Variants in ADGRG7 observed in about 807,000 individuals in gnomAD.
ADGRG7 encodes the protein G-protein coupled receptor 128.
A neutral mutation model predicts 88.6 loss-of-function variants in ADGRG7; 82 were observed. That is an observed-to-expected ratio of 0.93 (90% CI 0.77 to 1.11). The LOEUF (loss-of-function observed/expected upper bound fraction) is 1.11, where lower values mean the gene tolerates loss of function less well. Ranked by LOEUF, ADGRG7 falls within the 50% of genes most tolerant of loss-of-function variation. ADGRG7 has a pLI of 0.00. For missense variants in ADGRG7, 945 were observed against 953.4 expected, an observed-to-expected ratio of 0.99 and a Z score of 0.12; for synonymous variants, 381 against 345.2, an observed-to-expected ratio of 1.10 and a Z score of -1.15.
intron 5 of ADGRG7, among the ~76,000 whole-genome samples, chr3:100,636,562 C>T (rs1192309013): frequency 6.6e-6 from 1 of 152,062 alleles, no homozygotes; most frequent in Non-Finnish European, 1.5e-5. Context: ...CCAATATGGA[C>T]TCACCTTGTG....
chr3:100,638,500 G>T (rs1365216605), intron 6 of ADGRG7, among the ~76,000 whole-genome samples: 1 of 152,180 alleles, frequency 6.6e-6, no homozygotes, highest in African/African-American at 2.4e-5. Context: ...CAGGATGGGG[G>T]AGTAGGGCAG....
chr3:100,671,129 G>A (rs1373710299), intron 15 of ADGRG7, among the ~76,000 whole-genome samples: 1 of 152,180 alleles, frequency 6.6e-6, no homozygotes, highest in Non-Finnish European at 1.5e-5. Flanking sequence ...TCGCCACACT[G>A]TCTTCCACAA....
At chr3:100,669,532 T>C (rs1439701821) in intron 15 of ADGRG7, among the ~76,000 whole-genome samples, 1 of 26,002 alleles carries the variant, frequency 3.8e-5, no homozygotes, top group Non-Finnish European at 6.5e-5. Context: ...AGACTCCATC[T>C]CAAAAAAAAA....
chr3:100,668,870 C>T, intron 14 of ADGRG7, 79 bp from the exon 15 acceptor site: 1 of 1,056,726 alleles, frequency 9.5e-7, no homozygotes, highest in South Asian at 1.9e-5. Flanking sequence ...AATATACATT[C>T]TAAATAGGAG....
chr3:100,625,443 G>T (rs879596893), intron 1 of ADGRG7, among the ~76,000 whole-genome samples: 14 of 152,242 alleles, frequency 9.2e-5, no homozygotes, highest in African/African-American at 2.9e-4. Flanking sequence ...GGGCTGAGAC[G>T]ATGGGGTTTT....
At chr3:100,692,627 CTT>C (rs2094995852) in intron 15 of ADGRG7, among the ~76,000 whole-genome samples, 2 of 152,126 alleles carry the variant, frequency 1.3e-5, no homozygotes, top group Admixed American at 6.5e-5. Context: ...AGTCAGGAAA[CTT>C]AGGCTGTTAT....
chr3:100,654,996 C>T lies in ADGRG7; in HGVS notation c.1541C>T (p.Pro514Leu). The T allele has an allele frequency of 1.2e-6, 2 of 1,613,942 alleles. No individual in the cohort carries two copies. The highest frequency in any genetic ancestry group is 1.7e-6 in the Non-Finnish European group (2 of 1,179,954). Residue 514 changes from proline to leucine, a missense_variant, in exon 12 of 16, where the codon CCC becomes CTC. Physicochemically the swap from Pro to Leu is moderately conservative, Grantham distance 98. Coordinates refer to ENST00000273352, the MANE Select transcript of ADGRG7 (RefSeq NM_032787.3). ...NNIDFDNNDI[P>L]RTDTINIPNP... Reference sequence around the variant, plus strand: ...ATTGACTTTGACAATAATGACATACCCAGGACAGACACCATTAACATCCCG... The same window carrying T: ...ATTGACTTTGACAATAATGACATACTCAGGACAGACACCATTAACATCCCG...
intron 15 of ADGRG7, among the ~76,000 whole-genome samples, chr3:100,686,132 T>C (rs2149042111): frequency 6.6e-6 from 1 of 151,972 alleles, no homozygotes; most frequent in African/African-American, 2.4e-5. Flanking sequence ...CCAGTGATGA[T>C]GAGCATTTTT....
At chr3:100,641,709 A>G (rs1707644705) in intron 6 of ADGRG7, among the ~76,000 whole-genome samples, 1 of 152,254 alleles carries the variant, frequency 6.6e-6, no homozygotes, top group Non-Finnish European at 1.5e-5. Context: ...ACCCTGGAGC[A>G]GGAAGATGAC....
chr3:100,620,891 G>A (rs1220167114), intron 1 of ADGRG7, among the ~76,000 whole-genome samples: 1 of 151,532 alleles, frequency 6.6e-6, no homozygotes, highest in Non-Finnish European at 1.5e-5. Flanking sequence ...AGGTCTGTTG[G>A]TCCCATTTTT....
intron 15 of ADGRG7, among the ~76,000 whole-genome samples, chr3:100,682,218 C>A (rs1306980311): frequency 1.3e-5 from 2 of 152,238 alleles, no homozygotes; most frequent in Non-Finnish European, 2.9e-5. Flanking sequence ...CGGACCCAGC[C>A]GCTCACCGGA....
At chr3:100,668,775 T>G (rs1318087338) in intron 14 of ADGRG7, among the ~76,000 whole-genome samples, 174 bp from the exon 15 acceptor site, 1 of 152,186 alleles carries the variant, frequency 6.6e-6, no homozygotes, top group African/African-American at 2.4e-5. Context: ...CTAAATCAGA[T>G]TTTCTCCAGA....
chr3:100,661,676 T>C (rs183450968), intron 14 of ADGRG7, among the ~76,000 whole-genome samples: 5 of 152,290 alleles, frequency 3.3e-5, no homozygotes, highest in Admixed American at 2.6e-4. Context: ...TCAAACAATA[T>C]TCAAGTAATT....
chr3:100,650,740 G>T (rs1284872683), intron 11 of ADGRG7, among the ~76,000 whole-genome samples: 5 of 152,102 alleles, frequency 3.3e-5, no homozygotes, highest in Non-Finnish European at 5.9e-5. Flanking sequence ...AATAATAGAT[G>T]ACTCGTGGGG....
chr3:100,670,265 G>T (rs1054218979), intron 15 of ADGRG7, among the ~76,000 whole-genome samples: 10 of 152,100 alleles, frequency 6.6e-5, no homozygotes, highest in African/African-American at 2.2e-4. Context: ...TGCAAAGTTT[G>T]ACTTTCTGTG....
At chr3:100,640,802 G>T (rs907032368) in intron 6 of ADGRG7, among the ~76,000 whole-genome samples, 1 of 152,084 alleles carries the variant, frequency 6.6e-6, no homozygotes, top group Non-Finnish European at 1.5e-5. Flanking sequence ...GGTTATAGGC[G>T]TGAGCCACCG....
chr3:100,641,555 C>A (rs917457205), intron 6 of ADGRG7, among the ~76,000 whole-genome samples: 1 of 152,220 alleles, frequency 6.6e-6, no homozygotes, highest in Non-Finnish European at 1.5e-5. Context: ...AGAACAAGAA[C>A]AATGAGGAAG....
chr3:100,631,876 T>C (rs1707462753), intron 3 of ADGRG7, among the ~76,000 whole-genome samples: 1 of 152,174 alleles, frequency 6.6e-6, no homozygotes, highest in Non-Finnish European at 1.5e-5. Flanking sequence ...CATTCTTGCA[T>C]TGCTATAAAG....
Position 100,609,783 on chromosome 3 carries a change from T to C in ADGRG7, c.-74T>C, listed in dbSNP as rs112198364. On this transcript the variant is annotated 5_prime_UTR_variant, in exon 1 of 16. Coordinates refer to ENST00000273352, the MANE Select transcript of ADGRG7 (RefSeq NM_032787.3). Reference sequence around the variant, plus strand: ...TTTCTGTTTTAGAATAGTTTCCGATTAAACTTTTTAGCTCAAGAAGAAAAG... The same window carrying C: ...TTTCTGTTTTAGAATAGTTTCCGATCAAACTTTTTAGCTCAAGAAGAAAAG... The C allele has an allele frequency of 9.0e-5, 101 of 1,127,580 alleles. No homozygotes were observed. In the African/African-American group the frequency reaches 1.3e-3, roughly 14 times the overall value. The allele number at this position is 1,127,580 out of a possible 1,614,324, so 69.8% of individuals were successfully genotyped here. A position where few individuals can be genotyped will look rare whatever the true frequency, so the allele number is the denominator to read the frequency against.
Sources: allele counts gnomAD v4.1 joint callset (sites outside exome capture counted in the v4.1 genomes callset), GRCh38; gene constraint gnomAD v4.1.1; transcripts MANE v1.5; gene names NCBI Gene and HGNC (gene_info 2026-07-23, HGNC 2026-07-21).